Variants in MIAT observed in about 807,000 individuals in gnomAD.
The protein encoded by MIAT is myocardial infarction associated transcript, also known as MI related novel mRNA.
intron 5 of MIAT, chr22:26,667,783 A>T (rs4822765): frequency 0.022 from 3,748 of 172,356 alleles, 60 homozygotes; most frequent in Non-Finnish European, 0.033. Flanking sequence ...GGCTCAATAC[A>T]TCCTCCCACC....
chr22:26,675,642 G>A (rs1048026909), exon 5 of MIAT: 8 of 398,548 alleles, frequency 2.0e-5, no homozygotes. Context: ...TGAAAATAAA[G>A]GCTCGGAAGG....
chr22:26,652,872 G>A (rs538836390), intron 2 of MIAT, among the ~76,000 whole-genome samples: 5 of 152,272 alleles, frequency 3.3e-5, no homozygotes, highest in African/African-American at 1.2e-4. Context: ...GAATACTGAC[G>A]TGTCTCTTTG....
chr22:26,673,370 T>A (rs890380921), downstream of MIAT: 1 of 398,946 alleles, frequency 2.5e-6, no homozygotes, highest in Non-Finnish European at 4.4e-6. Flanking sequence ...TAACTCTTGC[T>A]CTCACCCAGC....
At chr22:26,672,810 C>T, downstream of MIAT, 1 of 398,618 alleles carries the variant, frequency 2.5e-6, no homozygotes, top group Non-Finnish European at 4.4e-6. Context: ...CTAAAAACCA[C>T]TGAGTGGAGT....
intron 2 of MIAT, among the ~76,000 whole-genome samples, chr22:26,652,089 G>T (rs1003447797): frequency 6.6e-6 from 1 of 152,150 alleles, no homozygotes; most frequent in African/African-American, 2.4e-5. Context: ...TAACGCCTAG[G>T]CTCAAGTGAT....
chr22:26,657,198 A>C, intron 2 of MIAT: 2 of 258,064 alleles, frequency 7.8e-6, no homozygotes. Context: ...TCTGCGGCCT[A>C]ATGTGGACGG....
intron 2 of MIAT, among the ~76,000 whole-genome samples, chr22:26,653,152 C>T (rs960362544): frequency 3.9e-5 from 6 of 152,208 alleles, no homozygotes; most frequent in African/African-American, 1.4e-4. Context: ...AGGCACTCAA[C>T]AGATGGGCAA....
chr22:26,657,275 C>G (rs1212142760), intron 2 of MIAT: 1 of 382,686 alleles, frequency 2.6e-6, no homozygotes, highest in Non-Finnish European at 4.6e-6. Context: ...CCAGCTAGCC[C>G]CTTTGTGCGG....
exon 6 of MIAT, chr22:26,668,765 C>A: frequency 2.5e-6 from 1 of 399,396 alleles, no homozygotes; most frequent in Non-Finnish European, 4.4e-6. Flanking sequence ...TGGGGCTTTT[C>A]CATGCTTTTC....
intron 2 of MIAT, chr22:26,657,443 G>A (rs974799426): frequency 3.6e-4 from 142 of 398,626 alleles, no homozygotes; most frequent in African/African-American, 2.7e-3. Context: ...GCCTCCGCCC[G>A]CCAGCCGCTC....
intron 2 of MIAT, among the ~76,000 whole-genome samples, chr22:26,659,869 C>G (rs1225819885): frequency 9.2e-6 from 1 of 108,642 alleles, no homozygotes; most frequent in African/African-American, 3.4e-5. Flanking sequence ...CAGAGCCTTA[C>G]TTTTTGCTCA....
At chr22:26,666,576 C>T in exon 4 of MIAT, 1 of 398,700 alleles carries the variant, frequency 2.5e-6, no homozygotes, top group African/African-American at 2.1e-5. Flanking sequence ...TGCTATTCAG[C>T]TATCACCAAG....
chr22:26,671,178 G>A (rs1931031182), downstream of MIAT: 1 of 398,626 alleles, frequency 2.5e-6, no homozygotes. Context: ...GACAAGTAGG[G>A]TCCATTTTCA....
In MIAT at chr22:26,667,333, A is replaced by AGTGTGTGTGTGTGTGT. The variant is rs61442362; in HGVS notation, n.2262+29_2262+44dup. ...GGGGTGAGCTCCTCGTCCTGGGAGC[A>AGTGTGTGTGTGTGTGT]GTGTGTGTGTGTGTGTGTGTGCGTG... is the stretch of plus-strand genomic sequence containing the variant. On this transcript the variant is annotated intron_variant and non_coding_transcript_variant, in intron 5 of 5. Transcript: ENST00000643270. The AGTGTGTGTGTGTGTGT allele has an allele frequency of 1.1e-3, 414 of 390,904 alleles. 2 individuals carry two copies. The highest frequency in any genetic ancestry group is 6.5e-3 in the African/African-American group (309 of 47,648). The allele number at this position is 390,904 out of a possible 1,614,324, so 24.2% of individuals were successfully genotyped here.
intron 2 of MIAT, among the ~76,000 whole-genome samples, chr22:26,655,168 G>A (rs1045733303): frequency 3.3e-5 from 5 of 152,194 alleles, no homozygotes; most frequent in Non-Finnish European, 5.9e-5. Context: ...AACTCTGTCA[G>A]GGTAGGAGGC....
chr22:26,648,804 T>C (rs772475240), intron 2 of MIAT, among the ~76,000 whole-genome samples: 4 of 152,138 alleles, frequency 2.6e-5, no homozygotes, highest in Non-Finnish European at 5.9e-5. Context: ...TTGGTGTCTG[T>C]TTAGCTTCTA....
chr22:26,667,011 C>A, intron 4 of MIAT: 1 of 398,166 alleles, frequency 2.5e-6, no homozygotes, highest in South Asian at 1.3e-4. Flanking sequence ...GTAGGTTGTC[C>A]TCCCACCTGT....
intron 2 of MIAT, chr22:26,657,544 G>C (rs1273950248): frequency 2.5e-6 from 1 of 398,672 alleles, no homozygotes; most frequent in Non-Finnish European, 4.4e-6. Context: ...GCGGACGAGT[G>C]CGGGGAGGAG....
At chr22:26,659,254 G>A (rs1930569302) in intron 2 of MIAT, among the ~76,000 whole-genome samples, 1 of 152,056 alleles carries the variant, frequency 6.6e-6, no homozygotes, top group Non-Finnish European at 1.5e-5. Flanking sequence ...AACCATTTCC[G>A]GACACTTTGC....
Sources: allele counts gnomAD v4.1 joint callset (sites outside exome capture counted in the v4.1 genomes callset), GRCh38; gene constraint gnomAD v4.1.1; transcripts MANE v1.5; gene names NCBI Gene and HGNC (gene_info 2026-07-23, HGNC 2026-07-21).